Variants in PRKAR1A observed in about 807,000 individuals in gnomAD.
The protein encoded by PRKAR1A is protein kinase cAMP-dependent type I regulatory subunit alpha, also known as cAMP-dependent protein kinase type I-alpha regulatory subunit.
Under a neutral mutation model 52.0 loss-of-function variants are expected in PRKAR1A, and 3 were observed. That is an observed-to-expected ratio of 0.06 (90% confidence interval 0.03 to 0.15). The LOEUF is 0.15. Among genes scored for constraint, PRKAR1A ranks in the 10% least tolerant of loss-of-function variants. PRKAR1A has a pLI of 1.00. For missense variants in PRKAR1A, 240 were observed against 477.4 expected, an observed-to-expected ratio of 0.50 and a Z score of 4.63; for synonymous variants, 188 against 168.4, an observed-to-expected ratio of 1.12 and a Z score of -0.90.
At chr17:68,534,650 A>ACT (rs1276133865), downstream of PRKAR1A, among the ~76,000 whole-genome samples, 1 of 148,372 alleles carries the variant, frequency 6.7e-6, no homozygotes, top group Non-Finnish European at 1.5e-5. Flanking sequence ...TGAAGTGCTG[A>ACT]CTAGTGTTCC....
the PRKAR1A span, among the ~76,000 whole-genome samples, chr17:68,462,219 T>C: frequency 6.6e-6 from 1 of 152,226 alleles, no homozygotes; most frequent in African/African-American, 2.4e-5. Flanking sequence ...AGAATAGCCT[T>C]CCTAAAACAC....
At chr17:68,486,471 CTCCTTCCTTCCTTCCTTCCT>C in the PRKAR1A span, among the ~76,000 whole-genome samples, 233 of 97,596 alleles carry the variant, frequency 2.4e-3, no homozygotes, top group African/African-American at 5.1e-3. Flanking sequence ...CTTTCTTTCT[CTCCTTCCTTCCTTCCTTCCT>C]TCCTTCCTTC....
downstream of PRKAR1A, chr17:68,535,673 TTTTTTTTTTG>T (rs1207113513): frequency 2.2e-6 from 1 of 447,374 alleles, no homozygotes; most frequent in Non-Finnish European, 4.4e-6. Flanking sequence ...AAAAAAATTT[TTTTTTTTTTG>T]TATTTTTTTG....
chr17:68,423,023 T>C, the PRKAR1A span, among the ~76,000 whole-genome samples: 1 of 152,178 alleles, frequency 6.6e-6, no homozygotes, highest in African/African-American at 2.4e-5. This position sits in a 1 kb window ranked among gnomAD's most constrained non-coding sequence, Gnocchi z 4.4. Context: ...AGATCACTAG[T>C]GATGACCCGC....
At chr17:68,452,798 T>C in the PRKAR1A span, 2 of 913,342 alleles carry the variant, frequency 2.2e-6, no homozygotes, top group Non-Finnish European at 3.3e-6. Context: ...CTCCCTAAGT[T>C]TGATGGCTAA....
At position 68,543,722 on chromosome 17, in the gene PRKAR1A, C is replaced by G; in HGVS notation, c.974-7362C>G. ...TGGTGTCTCCTCATCTCGCTGCTGT[C>G]TGGAAGGAAGGAAGGAATCACGCCC... is the stretch of plus-strand genomic sequence containing the variant. On this transcript the variant is annotated intron_variant, in intron 11 of 11. Transcript: ENST00000585981. 2.5e-6 allele frequency: 4 copies of G among 1,613,756 alleles called. No individual in the cohort carries two copies. The highest frequency in any genetic ancestry group is 3.4e-6 in the Non-Finnish European group (4 of 1,179,710).
intron 3 of PRKAR1A, 146 bp from the exon 4 acceptor site, chr17:68,523,579 T>G (rs1021107034): frequency 4.4e-6 from 3 of 683,790 alleles, no homozygotes; most frequent in Non-Finnish European, 7.9e-6. Flanking sequence ...GGATCAAAGA[T>G]AGTACAAGTG....
the PRKAR1A span, among the ~76,000 whole-genome samples, chr17:68,438,951 T>C: frequency 6.6e-6 from 1 of 152,200 alleles, no homozygotes; most frequent in Non-Finnish European, 1.5e-5. Flanking sequence ...GAGATACCAC[T>C]GTACAACCAC....
At chr17:68,505,524 T>A in the PRKAR1A span, among the ~76,000 whole-genome samples, 4 of 152,120 alleles carry the variant, frequency 2.6e-5, no homozygotes, top group African/African-American at 9.7e-5. Flanking sequence ...TTAATAATAA[T>A]GTATCAGGCC....
the PRKAR1A span, among the ~76,000 whole-genome samples, chr17:68,454,918 T>C: frequency 1.3e-5 from 2 of 151,932 alleles, no homozygotes; most frequent in African/African-American, 2.4e-5. Flanking sequence ...TTTTACGTGA[T>C]TGATCAATGG....
chr17:68,472,216 A>G, the PRKAR1A span, among the ~76,000 whole-genome samples: 2 of 152,164 alleles, frequency 1.3e-5, no homozygotes, highest in African/African-American at 4.8e-5. Flanking sequence ...TGGCCCAGGC[A>G]GGTGGCAAGT....
At position 68,519,618 on chromosome 17, in the gene PRKAR1A, T is replaced by C. The variant is rs139567309; in HGVS notation, c.178-3138T>C. ...AAATACAGTCATATTCTCATCACCT[T>C]CTTCGTCATTACTGGGGGGTTGTGT... On this transcript the variant is annotated intron_variant, in intron 2 of 10. Transcript: ENST00000589228. Among the ~76,000 whole-genome samples, 495 of 152,320 alleles carry C rather than the reference T, an allele frequency of 3.2e-3. 5 individuals are homozygous for C. Among genetic ancestry groups the C allele is most frequent in the African/African-American group, 0.011 (450 of 41,564 alleles).
chr17:68,515,407 C>G lies in PRKAR1A; in HGVS notation c.8C>G (p.Ser3Cys), dbSNP rs752643409. ...TTTTTCTCGCAGAGAACCATGGAGTCTGGCAGTACCGCCGCCAGTGAGGAG... is the reference window on the plus strand; with the variant it reads ...TTTTTCTCGCAGAGAACCATGGAGTGTGGCAGTACCGCCGCCAGTGAGGAG... Reference protein sequence around the residue: MESGSTAASEEAR... With the variant: MECGSTAASEEAR... The change falls in exon 2 of 11, where the codon TCT (serine) becomes TGT (cysteine). Residue 3 changes from serine to cysteine, a missense_variant. Physicochemically the swap from Ser to Cys is moderately radical, Grantham distance 112. Coordinates refer to ENST00000589228, the MANE Select transcript of PRKAR1A (RefSeq NM_002734.5). 3.1e-6 allele frequency: 5 copies of G among 1,613,108 alleles called. No individual in the cohort carries two copies. The South Asian group carries it at 5.5e-5, about 18-fold the overall frequency.
intron 2 of PRKAR1A, among the ~76,000 whole-genome samples, chr17:68,515,973 T>A (rs2085420618): frequency 6.6e-6 from 1 of 152,208 alleles, no homozygotes; most frequent in Admixed American, 6.5e-5. Flanking sequence ...GCGTAGTAAA[T>A]CTTATCCCAC....
downstream of PRKAR1A, among the ~76,000 whole-genome samples, chr17:68,533,855 A>G (rs1281409057): frequency 6.6e-6 from 1 of 152,082 alleles, no homozygotes; most frequent in African/African-American, 2.4e-5. Flanking sequence ...AGCCTCTGGA[A>G]TAGCTGGGAC....
the PRKAR1A span, among the ~76,000 whole-genome samples, chr17:68,490,095 C>T: frequency 6.6e-6 from 1 of 152,340 alleles, no homozygotes; most frequent in South Asian, 2.1e-4. Flanking sequence ...ATTTTACTTG[C>T]CTCCCTTGGC....
intron 11 of PRKAR1A, chr17:68,542,767 T>C (rs747581908): frequency 1.2e-6 from 2 of 1,614,182 alleles, no homozygotes; most frequent in East Asian, 2.2e-5. Context: ...TGACATTTAC[T>C]ATCCTCCCCA....
chr17:68,453,097 A>G, the PRKAR1A span: 27 of 824,908 alleles, frequency 3.3e-5, no homozygotes, highest in African/African-American at 2.9e-4. Context: ...TACAGTAAAC[A>G]AGCATCTGCA....
At chr17:68,537,722 A>G (rs145258230), downstream of PRKAR1A, 188 of 1,612,558 alleles carry the variant, frequency 1.2e-4, no homozygotes, top group African/African-American at 2.2e-3. The surrounding 1 kb of genome is among the most constrained non-coding windows in gnomAD (Gnocchi z 4.2). Context: ...TGCAGGTGCA[A>G]AAGTGTTTTC....
Sources: allele counts gnomAD v4.1 joint callset (sites outside exome capture counted in the v4.1 genomes callset), GRCh38; gene constraint gnomAD v4.1.1; non-coding constraint Gnocchi (gnomAD v3.1); transcripts MANE v1.5; gene names NCBI Gene and HGNC (gene_info 2026-07-23, HGNC 2026-07-21).